Variants in CDYL observed in about 807,000 individuals in gnomAD.
CDYL encodes chromodomain Y like.
A neutral mutation model predicts 47.3 loss-of-function variants in CDYL; 8 were observed. The ratio of observed to expected loss-of-function variants is 0.17; its 90% CI spans 0.10 to 0.31. The LOEUF is 0.31. Ranked by LOEUF, CDYL falls within the 10% of genes least tolerant of loss-of-function variation. The pLI, the probability that CDYL is intolerant of heterozygous loss-of-function variation, is 1.00. For synonymous variants in CDYL, 266 were observed against 265.0 expected (o/e 1.00, Z -0.04); for missense variants, 471 against 701.4 (o/e 0.67, Z 3.71).
At chr6:4,829,572 A>T (rs1367364199) in intron 1 of CDYL, among the ~76,000 whole-genome samples, 1 of 151,940 alleles carries the variant, frequency 6.6e-6, no homozygotes, top group African/African-American at 2.4e-5. Flanking sequence ...TTCCCCTTAC[A>T]CCCACATGCT....
chr6:4,808,993 G>T (rs1360974384), intron 1 of CDYL, among the ~76,000 whole-genome samples: 1 of 152,076 alleles, frequency 6.6e-6, no homozygotes, highest in Non-Finnish European at 1.5e-5. Flanking sequence ...GTGCACCAGG[G>T]TATACACTCA....
chr6:4,897,983 G>A (rs907489393), intron 2 of CDYL, among the ~76,000 whole-genome samples: 10 of 151,908 alleles, frequency 6.6e-5, no homozygotes, highest in South Asian at 2.1e-4. Flanking sequence ...CGTGAACCCA[G>A]GAGGCAAGAG....
chr6:4,792,449 T>G (rs1758951586), intron 1 of CDYL, among the ~76,000 whole-genome samples: 1 of 151,250 alleles, frequency 6.6e-6, no homozygotes, highest in Admixed American at 6.6e-5. Context: ...TTTTTTTTTT[T>G]GAGACAGAGT....
intron 2 of CDYL, among the ~76,000 whole-genome samples, chr6:4,729,412 T>C (rs1009443339): frequency 6.6e-6 from 1 of 152,074 alleles, no homozygotes; most frequent in Non-Finnish European, 1.5e-5. Flanking sequence ...TTTCTAGACC[T>C]TGATACCTTC....
chr6:4,946,885 A>T (rs1180819911), intron 5 of CDYL, among the ~76,000 whole-genome samples: 1 of 151,848 alleles, frequency 6.6e-6, no homozygotes, highest in Non-Finnish European at 1.5e-5. Context: ...CTCCCTACTC[A>T]GCCCTGGCCT....
chr6:4,910,752 A>G (rs1375180634), intron 2 of CDYL, among the ~76,000 whole-genome samples: 3 of 152,102 alleles, frequency 2.0e-5, no homozygotes, highest in African/African-American at 7.2e-5. Context: ...GTTGGAAGCG[A>G]TGGTTTGGAT....
chr6:4,723,329 G>A (rs1433720102), intron 2 of CDYL, among the ~76,000 whole-genome samples: 1 of 152,000 alleles, frequency 6.6e-6, no homozygotes, highest in African/African-American at 2.4e-5. Flanking sequence ...TAGGGTCCTA[G>A]AACCAATCCC....
rs556774184 is a variant in CDYL at position 4,762,980 on chromosome 6, C to T, written c.186+28136C>T. 1.2e-4 allele frequency among the ~76,000 whole-genome samples: 18 copies of T among 152,176 alleles called. No individual in the cohort carries two copies. The South Asian group carries it at 3.1e-3, about 26-fold the overall frequency. Reference sequence around the variant, plus strand: ...ATAAATACACAAACGAATACCTAAACACATCATAGTAAAACTGCTGAAAAC... The same window carrying T: ...ATAAATACACAAACGAATACCTAAATACATCATAGTAAAACTGCTGAAAAC... On this transcript the variant is annotated intron_variant, in intron 3 of 8. Transcript: ENST00000328908.
At chr6:4,850,929 T>A (rs1301890178) in intron 1 of CDYL, among the ~76,000 whole-genome samples, 2 of 152,242 alleles carry the variant, frequency 1.3e-5, no homozygotes, top group African/African-American at 2.4e-5. Context: ...GCTCATTTTT[T>A]AAAAGTTTTT....
At chr6:4,870,600 T>A (rs1012284363) in intron 1 of CDYL, among the ~76,000 whole-genome samples, 26 of 152,192 alleles carry the variant, frequency 1.7e-4, no homozygotes, top group Admixed American at 1.7e-3. Flanking sequence ...TTTCTGTTCC[T>A]TCTCTCTCCC....
At chr6:4,928,058 G>A (rs186582597) in intron 2 of CDYL, among the ~76,000 whole-genome samples, 12 of 152,192 alleles carry the variant, frequency 7.9e-5, no homozygotes, top group African/African-American at 1.2e-4. Flanking sequence ...TGTGCTTTTC[G>A]TGTAGATTTG....
At chr6:4,844,550 T>G (rs983679632) in intron 1 of CDYL, among the ~76,000 whole-genome samples, 1 of 152,182 alleles carries the variant, frequency 6.6e-6, no homozygotes, top group African/African-American at 2.4e-5. Flanking sequence ...GAGCTGCAAA[T>G]TAGTCCTGCC....
intron 2 of CDYL, among the ~76,000 whole-genome samples, chr6:4,732,519 G>C (rs1030426890): frequency 1.3e-5 from 2 of 151,462 alleles, no homozygotes; most frequent in Non-Finnish European, 2.9e-5. Context: ...AAAATTCACT[G>C]GGCATAGTGG....
chr6:4,787,805 C>T (rs963277659), intron 1 of CDYL, among the ~76,000 whole-genome samples: 1 of 132,764 alleles, frequency 7.5e-6, no homozygotes, highest in African/African-American at 3.0e-5. Context: ...CAGAGTCTCG[C>T]TCTGTTGCCC....
At chr6:4,829,244 G>A (rs547161014) in intron 1 of CDYL, among the ~76,000 whole-genome samples, 1 of 152,020 alleles carries the variant, frequency 6.6e-6, no homozygotes, top group Admixed American at 6.5e-5. Context: ...TTTTTTTGTT[G>A]TTGTTGTTGA....
chr6:4,841,042 G>A (rs1387008277), intron 1 of CDYL, among the ~76,000 whole-genome samples: 6 of 151,990 alleles, frequency 3.9e-5, no homozygotes, highest in Non-Finnish European at 8.8e-5. Context: ...ATCAGGTCCT[G>A]GACTTTTTTT....
At chr6:4,896,798 T>C (rs534232706) in intron 2 of CDYL, among the ~76,000 whole-genome samples, 1 of 152,314 alleles carries the variant, frequency 6.6e-6, no homozygotes, top group South Asian at 2.1e-4. Context: ...GTGGAGTCAT[T>C]GGGAAACGAA....
At chr6:4,951,388 G>A (rs1758700054) in intron 5 of CDYL, among the ~76,000 whole-genome samples, 1 of 152,032 alleles carries the variant, frequency 6.6e-6, no homozygotes. Flanking sequence ...CTGTGAGCCT[G>A]TCATTTGAAT....
chr6:4,856,991 G>T (rs940949418), intron 1 of CDYL, among the ~76,000 whole-genome samples: 1 of 152,138 alleles, frequency 6.6e-6, no homozygotes, highest in Non-Finnish European at 1.5e-5. Context: ...CAGCCAGCCG[G>T]GGGAAGTCCA....
Sources: allele counts gnomAD v4.1 joint callset (sites outside exome capture counted in the v4.1 genomes callset), GRCh38; gene constraint gnomAD v4.1.1; transcripts MANE v1.5; gene names NCBI Gene and HGNC (gene_info 2026-07-23, HGNC 2026-07-21).